The following ADGRD1 variants were observed in gnomAD, a reference collection of about 807,000 sequenced individuals.
ADGRD1 encodes G-protein coupled receptor 133.
A neutral mutation model predicts 113.4 loss-of-function variants in ADGRD1; 77 were observed. The ratio of observed to expected loss-of-function variants is 0.68; its 90% confidence interval spans 0.57 to 0.82. The LOEUF (loss-of-function observed/expected upper bound fraction) is 0.82, where lower values mean the gene tolerates loss of function less well. ADGRD1 is among the 40% of genes least tolerant of loss of function. The pLI, the probability that ADGRD1 is intolerant of heterozygous loss-of-function variation, is 0.00. For synonymous variants in ADGRD1, 474 were observed against 475.0 expected (o/e 1.00, Z 0.03); for missense variants, 1,036 against 1,139.1 (o/e 0.91, Z 1.30).
At chr12:130,960,206 A>G (rs369699026) in intron 2 of ADGRD1, among the ~76,000 whole-genome samples, 1 of 152,252 alleles carries the variant, frequency 6.6e-6, no homozygotes. Flanking sequence ...AACCCAAAGC[A>G]TGTCATTACC....
At chr12:130,963,164 C>A (rs1287250870) in intron 2 of ADGRD1, 1 of 151,840 alleles carries the variant, frequency 6.6e-6, no homozygotes, top group East Asian at 1.9e-4. Context: ...ACTACAAATA[C>A]AAAAAATTAG....
intron 13 of ADGRD1, among the ~76,000 whole-genome samples, chr12:131,042,732 C>T (rs536613178): frequency 1.1e-3 from 175 of 152,346 alleles, no homozygotes; most frequent in African/African-American, 3.8e-3. Flanking sequence ...CCTCCAACCC[C>T]GGCATGGCGT....
intron 9 of ADGRD1, among the ~76,000 whole-genome samples, chr12:131,001,758 CA>C (rs1451266898): frequency 1.3e-5 from 2 of 152,148 alleles, no homozygotes; most frequent in East Asian, 3.9e-4. Flanking sequence ...GGTTGCCAGG[CA>C]GGGGCAGAGA....
At position 131,036,201 on chromosome 12, in the gene ADGRD1, C is replaced by T. The variant is rs143644750; in HGVS notation, c.1473+21861C>T. On this transcript the variant is annotated intron_variant, in intron 13 of 24. Transcript: ENST00000261654. ...TGGAGGGGGTCTCATTCACGGGAGG[C>T]GGGGTCTTAACCACTGCACCGGGTC... is the stretch of plus-strand genomic sequence containing the variant. Among the ~76,000 whole-genome samples the T allele has an allele frequency of 6.6e-3, 999 of 152,016 alleles. 12 individuals carry two copies. The highest frequency in any genetic ancestry group is 0.023 in the African/African-American group (939 of 41,426).
chr12:131,133,259 C>A (rs370967469), intron 21 of ADGRD1, among the ~76,000 whole-genome samples: 139 of 152,214 alleles, frequency 9.1e-4, no homozygotes, highest in African/African-American at 3.3e-3. Context: ...GCTCACAATC[C>A]CCTGTCTGAG....
chr12:131,086,037 G>A (rs1181998819), intron 15 of ADGRD1, among the ~76,000 whole-genome samples: 1 of 152,162 alleles, frequency 6.6e-6, no homozygotes, highest in Non-Finnish European at 1.5e-5. Flanking sequence ...ACCAAGCTCA[G>A]GTGGTTCCCA....
rs192807384 is a variant in ADGRD1 at position 131,079,429 on chromosome 12, G to T, written c.1547+2555G>T. Reference sequence around the variant, plus strand: ...AGTTGTTGAGAATTTTTGTGTCTACGTGCATGTTGGATATTGGTCTGCAGT... The same window carrying T: ...AGTTGTTGAGAATTTTTGTGTCTACTTGCATGTTGGATATTGGTCTGCAGT... On this transcript the variant is annotated intron_variant, in intron 14 of 24. Coordinates refer to ENST00000261654, the MANE Select transcript of ADGRD1 (RefSeq NM_198827.5). 3.3e-5 allele frequency among the ~76,000 whole-genome samples: 5 copies of T among 152,276 alleles called. No individual in the cohort carries two copies. In the East Asian group the frequency reaches 9.6e-4, roughly 29 times the overall value.
chr12:131,095,751 T>C (rs553677126), intron 15 of ADGRD1, among the ~76,000 whole-genome samples: 6 of 152,306 alleles, frequency 3.9e-5, no homozygotes, highest in African/African-American at 1.2e-4. Context: ...TTTTTTGTCA[T>C]GAGTGTGTTG....
rs374575404 is a variant in ADGRD1, at chr12:131,005,989, G to A, written c.1273G>A (p.Gly425Ser). 8.9e-5 allele frequency: 143 copies of A among 1,611,730 alleles called. No individual in the cohort carries two copies. Among genetic ancestry groups the A allele is most frequent in the Non-Finnish European group, 1.2e-4 (140 of 1,179,958 alleles). ...CTCTGCAGCCTGGAGCACCGTCGTG[G>A]GTCTGCTGTACCACAGCATGCACTA... The part of the protein sequence containing the change: ...FHRHAWSTVV[G>S]LLYHSMHYYL... Residue 425 changes from glycine to serine, a missense_variant, in exon 12 of 25, where the codon GGT becomes AGT. Coordinates refer to ENST00000261654, the MANE Select transcript of ADGRD1 (RefSeq NM_198827.5).
chr12:131,125,152 A>G (rs1950711690), intron 20 of ADGRD1, among the ~76,000 whole-genome samples: 1 of 152,216 alleles, frequency 6.6e-6, no homozygotes. Flanking sequence ...TCGTTTTAAC[A>G]TAATTATGTC....
intron 13 of ADGRD1, among the ~76,000 whole-genome samples, chr12:131,018,898 T>C (rs903366374): frequency 2.6e-5 from 4 of 152,270 alleles, no homozygotes; most frequent in Admixed American, 2.0e-4. Flanking sequence ...CGGGTTGTTC[T>C]GGTTCTGTGA....
chr12:131,090,710 A>G (rs907749294), intron 15 of ADGRD1, among the ~76,000 whole-genome samples: 1 of 152,238 alleles, frequency 6.6e-6, no homozygotes, highest in African/African-American at 2.4e-5. Context: ...AGCCATGTCA[A>G]GGCATCTGCT....
intron 4 of ADGRD1, chr12:130,976,860 A>G (rs1357459112): frequency 7.9e-6 from 1 of 126,396 alleles, no homozygotes; most frequent in African/African-American, 3.7e-5. Flanking sequence ...TGTCTCAATG[A>G]AAAAAAAAAA....
intron 13 of ADGRD1, among the ~76,000 whole-genome samples, chr12:131,016,848 G>A (rs921260793): frequency 5.3e-5 from 8 of 152,204 alleles, no homozygotes; most frequent in Admixed American, 2.0e-4. Context: ...AGCAGAGATC[G>A]GGCCAGTGCG....
chr12:131,078,209 G>T (rs1885793420), intron 14 of ADGRD1, among the ~76,000 whole-genome samples: 1 of 152,244 alleles, frequency 6.6e-6, no homozygotes, highest in Non-Finnish European at 1.5e-5. Context: ...CTGAGCTGGG[G>T]GTGCAGCAGC....
In ADGRD1 at chr12:131,071,576, C is replaced by T. The variant is rs541855456; in HGVS notation, c.1474-5225C>T. Among the ~76,000 whole-genome samples the T allele has an allele frequency of 3.3e-5, 5 of 152,296 alleles. No homozygotes were observed. In the South Asian group the frequency reaches 1.0e-3, roughly 32 times the overall value. On this transcript the variant is annotated intron_variant, in intron 13 of 24. Transcript: ENST00000261654. The stretch of plus-strand genomic sequence containing the variant: ...CTCCCAGGACACTCAGGACCTCTTT[C>T]CCAAGGATGGAACCTCTCCACACAT...
At chr12:131,039,159 C>A (rs962469084) in intron 13 of ADGRD1, among the ~76,000 whole-genome samples, 1 of 151,730 alleles carries the variant, frequency 6.6e-6, no homozygotes, top group Non-Finnish European at 1.5e-5. Flanking sequence ...TGAGCCGGGA[C>A]GGTGCGGAGA....
intron 15 of ADGRD1, among the ~76,000 whole-genome samples, chr12:131,090,415 T>C (rs1151347): frequency 0.061 from 9,224 of 152,212 alleles, 307 homozygotes; most frequent in Non-Finnish European, 0.07. Context: ...GGCTTTCTGC[T>C]CAGGAGCTCA....
intron 11 of ADGRD1, 24 bp from the exon 12 acceptor site, chr12:131,005,948 C>T (rs1313760571): frequency 6.2e-7 from 1 of 1,600,140 alleles, no homozygotes; most frequent in Non-Finnish European, 8.5e-7. Flanking sequence ...GCTGACAGCG[C>T]CTGCCCCTCT....
Sources: allele counts gnomAD v4.1 joint callset (sites outside exome capture counted in the v4.1 genomes callset), GRCh38; gene constraint gnomAD v4.1.1; transcripts MANE v1.5; gene names NCBI Gene and HGNC (gene_info 2026-07-23, HGNC 2026-07-21).